ENPP2: variants seen among roughly 807,000 people sequenced by gnomAD.
ENPP2 encodes ectonucleotide pyrophosphatase/phosphodiesterase 2.
In ENPP2, 51 loss-of-function variants were observed where a neutral mutation model predicts 120.2. The observed-to-expected ratio is 0.42, with a 90% confidence interval of 0.34 to 0.54. ENPP2 has a LOEUF of 0.54. ENPP2 is among the 20% of genes least tolerant of loss of function. The pLI is 0.04. For synonymous variants in ENPP2, 365 were observed against 366.4 expected (o/e 1.00, Z 0.04); for missense variants, 920 against 1,066.5 (o/e 0.86, Z 1.91).
chr8:119,629,763 A>G (rs575261607), intron 2 of ENPP2, among the ~76,000 whole-genome samples: 1 of 152,158 alleles, frequency 6.6e-6, no homozygotes, highest in Non-Finnish European at 1.5e-5. Flanking sequence ...ATAAGAAACC[A>G]TGGAGGCAGG....
Position 119,613,627 on chromosome 8 carries a change from C to T in ENPP2, c.777+2638G>A, listed in dbSNP as rs145555171. Among the ~76,000 whole-genome samples the T allele has an allele frequency of 2.5e-4, 38 of 152,140 alleles. 1 individual carries two copies. Among genetic ancestry groups the T allele is most frequent in the African/African-American group, 8.4e-4 (35 of 41,528 alleles). On this transcript the variant is annotated intron_variant, in intron 8 of 24. Coordinates refer to ENST00000075322, the MANE Select transcript of ENPP2 (RefSeq NM_001040092.3). Reference sequence around the variant, plus strand: ...TTTCACTGGTGATTTTAAAACGAAGCCTCTGAGAGGATGGTATAAATGCTT... The same window carrying T: ...TTTCACTGGTGATTTTAAAACGAAGTCTCTGAGAGGATGGTATAAATGCTT...
In ENPP2 at chr8:119,590,630, C is replaced by A; in HGVS notation, c.1082G>T (p.Gly361Val). Reference protein sequence around the residue: ...CVNVIFVGDHGMEDVTCDRTE... With the variant: ...CVNVIFVGDHVMEDVTCDRTE... The stretch of plus-strand genomic sequence containing the variant: ...TCTATCACATGTGACATCTTCCATT[C>A]CTATGGGGAGGGAGAAAAAGAATAT... The change falls in exon 13 of 25, where the codon GGA becomes GTA. Residue 361 changes from glycine (G) to valine (V), a missense_variant and splice_region_variant. Gly to Val is a moderately radical substitution (Grantham distance 109). Transcript: ENST00000075322. 2.0e-6 allele frequency: 3 copies of A among 1,497,880 alleles called. No homozygotes were observed. Among genetic ancestry groups the A allele is most frequent in the South Asian group, 1.4e-5 (1 of 72,752 alleles). 92.8% of individuals were successfully genotyped at this position (1,497,880 alleles called of 1,614,324 possible).
At chr8:119,640,893 C>A (rs1817266906), upstream of ENPP2, among the ~76,000 whole-genome samples, 1 of 152,048 alleles carries the variant, frequency 6.6e-6, no homozygotes, top group Non-Finnish European at 1.5e-5. Context: ...ATTACAGGTG[C>A]ATGCCAACAC....
chr8:119,582,417 C>G lies in ENPP2; in HGVS notation c.1728+1G>C. 6.2e-7 allele frequency: 1 copy of G among 1,611,658 alleles called. No individual in the cohort carries two copies. Among genetic ancestry groups the G allele is most frequent in the Non-Finnish European group, 8.5e-7 (1 of 1,178,262 alleles). ...ATAATAAACATAAAGATTATTTCTACCTTTGGCTCTACCTTATCATCACAA... is the reference window on the plus strand; with the variant it reads ...ATAATAAACATAAAGATTATTTCTAGCTTTGGCTCTACCTTATCATCACAA... On this transcript the variant is annotated splice_donor_variant, in intron 18 of 24. Transcript: ENST00000075322. LOFTEE classifies it high-confidence loss of function.
At chr8:119,630,916 C>A (rs971753752) in intron 2 of ENPP2, among the ~76,000 whole-genome samples, 3 of 150,126 alleles carry the variant, frequency 2.0e-5, no homozygotes, top group Non-Finnish European at 4.4e-5. Flanking sequence ...TTTTCTGAGA[C>A]GGAGTTTTGC....
intron 3 of ENPP2, among the ~76,000 whole-genome samples, chr8:119,624,050 C>G (rs1027823429): frequency 6.6e-6 from 1 of 152,124 alleles, no homozygotes. Flanking sequence ...TGCTTTGACT[C>G]TAGATATTGT....
chr8:119,578,837 G>C (rs1812530130), intron 19 of ENPP2, among the ~76,000 whole-genome samples: 1 of 152,200 alleles, frequency 6.6e-6, no homozygotes, highest in Non-Finnish European at 1.5e-5. Context: ...TGGAGATACA[G>C]AAAAGGAAGA....
chr8:119,568,611 T>A (rs2130055845), intron 21 of ENPP2, among the ~76,000 whole-genome samples: 1 of 152,252 alleles, frequency 6.6e-6, no homozygotes, highest in East Asian at 1.9e-4. Context: ...TTCAGATTTT[T>A]TTTTTTAAAT....
chr8:119,564,405 CA>C (rs1351184794), intron 23 of ENPP2, among the ~76,000 whole-genome samples: 1 of 152,096 alleles, frequency 6.6e-6, no homozygotes, highest in Non-Finnish European at 1.5e-5. Context: ...AGGCTGGGCA[CA>C]GTGGCTCACA....
chr8:119,619,236 A>G lies in ENPP2; in HGVS notation c.479+8T>C. On this transcript the variant is annotated splice_region_variant and intron_variant, in intron 5 of 24. Transcript: ENST00000075322. Reference sequence around the variant, plus strand: ...TAAAACTTCAAAATAGTCATAAAATACACTTACCCTGCAGGGCATTCTGCG... The same window carrying G: ...TAAAACTTCAAAATAGTCATAAAATGCACTTACCCTGCAGGGCATTCTGCG... 1.9e-6 allele frequency: 3 copies of G among 1,597,760 alleles called. No individual in the cohort carries two copies. In the South Asian group the frequency reaches 3.3e-5, roughly 18 times the overall value.
intron 8 of ENPP2, among the ~76,000 whole-genome samples, chr8:119,612,209 G>A (rs1417317507): frequency 6.6e-6 from 1 of 152,132 alleles, no homozygotes; most frequent in African/African-American, 2.4e-5. Context: ...AAGGCACCAG[G>A]TTAGCAGAGC....
intron 8 of ENPP2, among the ~76,000 whole-genome samples, chr8:119,608,684 G>A (rs1299246840): frequency 6.6e-6 from 1 of 152,146 alleles, no homozygotes; most frequent in Non-Finnish European, 1.5e-5. Flanking sequence ...CCTTGTTTCT[G>A]TCACTTACCA....
intron 3 of ENPP2, among the ~76,000 whole-genome samples, chr8:119,624,831 G>A (rs1390451611): frequency 6.6e-6 from 1 of 152,156 alleles, no homozygotes; most frequent in Non-Finnish European, 1.5e-5. Context: ...AAACATTGTG[G>A]TTGTTTCTCG....
At chr8:119,572,119 A>G in intron 19 of ENPP2, 2 of 906,414 alleles carry the variant, frequency 2.2e-6, no homozygotes, top group Non-Finnish European at 3.6e-6. Flanking sequence ...AAATCGTAAC[A>G]GTAGTACTTA....
chr8:119,569,306 G>C lies in ENPP2; in HGVS notation c.1982C>G (p.Pro661Arg). Residue 661 changes from proline to arginine, a missense_variant, in exon 21 of 25, where the codon CCG (proline) becomes CGG (arginine). By Grantham distance (103) the Pro-to-Arg change is moderately radical. Transcript: ENST00000075322. ...SCVRPDVRVS[P>R]SFSQNCLAYK... is the part of the protein sequence containing the mutation. Reference sequence around the variant, plus strand: ...GGCCAAACAGTTCTGACTGAAACTCGGAGAAACACGGACATCAGGCCGGAC... The same window carrying C: ...GGCCAAACAGTTCTGACTGAAACTCCGAGAAACACGGACATCAGGCCGGAC... The C allele has an allele frequency of 6.2e-7, 1 of 1,613,986 alleles. No individual in the cohort carries two copies. Among genetic ancestry groups the C allele is most frequent in the South Asian group, 1.1e-5 (1 of 91,082 alleles).
chr8:119,668,613 G>A (rs1587598246), intron 1 of ENPP2, among the ~76,000 whole-genome samples: 2 of 151,682 alleles, frequency 1.3e-5, no homozygotes, highest in Admixed American at 6.6e-5. Flanking sequence ...ATTTTTAGGA[G>A]AGACAGGGTT....
At chr8:119,595,893 TTTC>T (rs1265563530) in intron 11 of ENPP2, 18 of 1,614,096 alleles carry the variant, frequency 1.1e-5, no homozygotes, top group Admixed American at 1.7e-5. Context: ...CCTATGTATT[TTTC>T]TTCTTCTTTT....
intron 8 of ENPP2, among the ~76,000 whole-genome samples, chr8:119,613,430 G>A (rs958179834): frequency 5.3e-5 from 8 of 152,214 alleles, no homozygotes; most frequent in African/African-American, 1.7e-4. Context: ...AGGACAAGAA[G>A]TGGCTTTTAT....
At chr8:119,597,753 C>T (rs182582363) in intron 11 of ENPP2, among the ~76,000 whole-genome samples, 2 of 152,186 alleles carry the variant, frequency 1.3e-5, no homozygotes, top group South Asian at 4.1e-4. Context: ...TTTGAACATT[C>T]ACCATTACAC....
Sources: allele counts gnomAD v4.1 joint callset (sites outside exome capture counted in the v4.1 genomes callset), GRCh38; gene constraint gnomAD v4.1.1; transcripts MANE v1.5; gene names NCBI Gene and HGNC (gene_info 2026-07-23, HGNC 2026-07-21).